NUP155: variants seen among roughly 807,000 people sequenced by gnomAD.
NUP155 encodes nucleoporin 155.
In NUP155, 71 loss-of-function variants were observed where a neutral mutation model predicts 180.4. That is an observed-to-expected ratio of 0.39 (90% CI 0.33 to 0.48). The LOEUF (loss-of-function observed/expected upper bound fraction) is 0.48, where lower values mean the gene tolerates loss of function less well. Among genes scored for constraint, NUP155 ranks in the 20% least tolerant of loss-of-function variants. NUP155 has a pLI of 0.91. For missense variants in NUP155, 1,553 were observed against 1,648.9 expected, an observed-to-expected ratio of 0.94 and a Z score of 1.01; for synonymous variants, 582 against 559.5, an observed-to-expected ratio of 1.04 and a Z score of -0.57.
At chr5:37,359,417 T>C (rs962575764) in intron 3 of NUP155, among the ~76,000 whole-genome samples, 1 of 151,932 alleles carries the variant, frequency 6.6e-6, no homozygotes, top group Non-Finnish European at 1.5e-5. Context: ...AAGAGGGCCA[T>C]CTTACAAGGA....
intron 17 of NUP155, 43 bp downstream of exon 17, chr5:37,328,315 G>C: frequency 1.5e-6 from 2 of 1,339,004 alleles, no homozygotes; most frequent in Non-Finnish European, 2.1e-6. Flanking sequence ...CATAATGTTA[G>C]CACTTCAAAA....
At chr5:37,295,327 A>T (rs1277299383) in intron 32 of NUP155, among the ~76,000 whole-genome samples, 1 of 152,174 alleles carries the variant, frequency 6.6e-6, no homozygotes, top group Non-Finnish European at 1.5e-5. Context: ...GGGATTGCAG[A>T]CGGAGTCTCC....
intron 3 of NUP155, among the ~76,000 whole-genome samples, chr5:37,360,815 C>T (rs972305562): frequency 6.6e-6 from 1 of 151,386 alleles, no homozygotes; most frequent in African/African-American, 2.4e-5. Flanking sequence ...CAGTGGCTTA[C>T]ACCTGTAATC....
At chr5:37,357,063 C>T (rs192776320) in intron 4 of NUP155, among the ~76,000 whole-genome samples, 6 of 152,174 alleles carry the variant, frequency 3.9e-5, no homozygotes, top group East Asian at 3.9e-4. Context: ...GCGGAGATCA[C>T]GCCACTGCAC....
chr5:37,294,273 T>A, intron 33 of NUP155, 56 bp downstream of exon 33: 1 of 1,258,008 alleles, frequency 7.9e-7, no homozygotes, highest in East Asian at 2.6e-5. Context: ...ACTCTATATC[T>A]ACAAAGTTAC....
intron 1 of NUP155, among the ~76,000 whole-genome samples, chr5:37,365,314 T>C (rs1033616102): frequency 6.6e-6 from 1 of 152,088 alleles, no homozygotes; most frequent in Non-Finnish European, 1.5e-5. Context: ...GTATTGTTTG[T>C]AACACAAAGG....
Position 37,318,047 on chromosome 5 carries a change from A to T in NUP155, c.2246T>A (p.Met749Lys), listed in dbSNP as rs749550392. 1 of 1,612,904 alleles carries T rather than the reference A, an allele frequency of 6.2e-7. No individual in the cohort carries two copies. The highest frequency in any genetic ancestry group is 8.5e-7 in the Non-Finnish European group (1 of 1,178,832). The change falls in exon 21 of 35, where the codon ATG becomes AAG. Residue 749 changes from methionine (M) to lysine (K), a missense_variant. Transcript: ENST00000231498. ...AKVQQRLIGF[M>K]RPENGNPQQM... is the part of the protein sequence containing the mutation. ...CTGGGGATTTCCGTTTTCAGGACGC[A>T]TGAATCCTATCAGCCTCTGCTGCAC... is the stretch of plus-strand genomic sequence containing the variant.
At chr5:37,356,459 A>G (rs1746837915) in intron 4 of NUP155, among the ~76,000 whole-genome samples, 1 of 151,924 alleles carries the variant, frequency 6.6e-6, no homozygotes, top group African/African-American at 2.4e-5. Flanking sequence ...CATGGCCAAC[A>G]TGGCGAAACC....
rs1742236503 is a variant in NUP155, at chr5:37,291,636, G to C, written c.*264C>G. On this transcript the variant is annotated 3_prime_UTR_variant, in exon 35 of 35. Transcript: ENST00000231498. ...CTGCCTGCAGTACAATTCAAAATAAGAGTTTCTAAATTTTTTTAATCCTTA... is the reference window on the plus strand; with the variant it reads ...CTGCCTGCAGTACAATTCAAAATAACAGTTTCTAAATTTTTTTAATCCTTA... 3.0e-6 allele frequency: 1 copy of C among 332,382 alleles called. No homozygotes were observed. Among genetic ancestry groups the C allele is most frequent in the Non-Finnish European group, 5.6e-6 (1 of 179,048 alleles). The allele number at this position is 332,382 out of a possible 1,614,324, so 20.6% of individuals were successfully genotyped here. A position where few individuals can be genotyped will look rare whatever the true frequency, so the allele number is the denominator to read the frequency against.
chr5:37,340,035 A>G (rs1424323014), intron 11 of NUP155, among the ~76,000 whole-genome samples: 1 of 152,206 alleles, frequency 6.6e-6, no homozygotes, highest in African/African-American at 2.4e-5. Context: ...TTGGGCTTAC[A>G]GGCGTGAGCC....
rs1484910537 is a variant in NUP155 at position 37,291,619 on chromosome 5, A to C, written c.*281T>G. 1 of 301,100 alleles carries C rather than the reference A, an allele frequency of 3.3e-6. No individual in the cohort carries two copies. The highest frequency in any genetic ancestry group is 6.3e-6 in the Non-Finnish European group (1 of 159,220). The allele number at this position is 301,100 out of a possible 1,614,324, so 18.7% of individuals were successfully genotyped here. Reference sequence around the variant, plus strand: ...ATATAAATTCGAAATTTCTGCCTGCAGTACAATTCAAAATAAGAGTTTCTA... The same window carrying C: ...ATATAAATTCGAAATTTCTGCCTGCCGTACAATTCAAAATAAGAGTTTCTA... On this transcript the variant is annotated 3_prime_UTR_variant, in exon 35 of 35. Coordinates refer to ENST00000231498, the MANE Select transcript of NUP155 (RefSeq NM_153485.3).
chr5:37,354,305 C>T (rs1424615700), intron 4 of NUP155, among the ~76,000 whole-genome samples: 1 of 152,010 alleles, frequency 6.6e-6, no homozygotes, highest in Non-Finnish European at 1.5e-5. Context: ...TGGCACCATG[C>T]CCAGCTTATT....
chr5:37,311,176 T>G (rs1019731796), intron 22 of NUP155, among the ~76,000 whole-genome samples: 1 of 152,206 alleles, frequency 6.6e-6, no homozygotes, highest in African/African-American at 2.4e-5. Flanking sequence ...CTTGTCCAAA[T>G]GAAGCTCTAA....
At chr5:37,352,478 C>G (rs1363396878) in intron 5 of NUP155, among the ~76,000 whole-genome samples, 1 of 152,050 alleles carries the variant, frequency 6.6e-6, no homozygotes, top group Non-Finnish European at 1.5e-5. Flanking sequence ...GCAGAGGATG[C>G]GGTAAGCCAA....
At chr5:37,351,722 T>G (rs761724243) in intron 5 of NUP155, among the ~76,000 whole-genome samples, 2 of 145,562 alleles carry the variant, frequency 1.4e-5, no homozygotes, top group Non-Finnish European at 3.0e-5. Context: ...GTGCTAAGAT[T>G]ACAGGCAAGA....
At position 37,305,159 on chromosome 5, in the gene NUP155, T is replaced by G. The variant is rs1743082376; in HGVS notation, c.2955A>C (p.Gln985His). 5.0e-6 allele frequency: 8 copies of G among 1,613,870 alleles called. No homozygotes were observed. The highest frequency in any genetic ancestry group is 6.8e-6 in the Non-Finnish European group (8 of 1,179,898). Reference protein sequence around the residue: ...ITDTLQELVNQSKAAPQSPSV... With the variant: ...ITDTLQELVNHSKAAPQSPSV... ...TGGGAGACTGAGGAGCGGCCTTACT[T>G]TGATTTACCAGTTCTTGAAGTGTGT... The change falls in exon 26 of 35, where the codon CAA (glutamine) becomes CAC (histidine). Residue 985 changes from glutamine to histidine, a missense_variant. Gln to His is a conservative substitution (Grantham distance 24, BLOSUM62 0). Coordinates refer to ENST00000231498, the MANE Select transcript of NUP155 (RefSeq NM_153485.3).
At chr5:37,369,361 G>C (rs1747811911) in intron 1 of NUP155, among the ~76,000 whole-genome samples, 2 of 152,206 alleles carry the variant, frequency 1.3e-5, no homozygotes, top group South Asian at 4.1e-4. Flanking sequence ...AACAATAAAA[G>C]TAAGATAAAA....
chr5:37,330,097 A>G lies in NUP155; in HGVS notation c.1665T>C (p.Ala555=). ...DQACATCLIL[A]CSTAACDREV... The stretch of plus-strand genomic sequence containing the variant: ...CTCTATCACAGGCAGCAGTGGAGCA[A>G]GCAAGAATAAGGCAAGTTGCACAAG... The change falls in exon 15 of 35, where the codon GCT becomes GCC. Residue 555 remains alanine, a synonymous_variant. Coordinates refer to ENST00000231498, the MANE Select transcript of NUP155 (RefSeq NM_153485.3). 1 of 1,613,742 alleles carries G rather than the reference A, an allele frequency of 6.2e-7. No homozygotes were observed. The highest frequency in any genetic ancestry group is 2.2e-5 in the East Asian group (1 of 44,854).
chr5:37,299,129 C>G (rs1742734470), intron 31 of NUP155, 151 bp from the exon 32 acceptor site: 1 of 689,590 alleles, frequency 1.5e-6, no homozygotes, highest in Non-Finnish European at 2.6e-6. Context: ...CTGTTATTGT[C>G]TGAGATACTC....
Sources: gnomAD v4.1 joint callset for allele counts (sites outside exome capture counted in the v4.1 genomes callset) on GRCh38, gnomAD v4.1.1 for gene constraint, MANE v1.5 for transcripts, NCBI Gene and HGNC (gene_info 2026-07-23, HGNC 2026-07-21) for gene names.